Variants in CHRNA2 observed in about 807,000 individuals in gnomAD.
CHRNA2 encodes the protein neuronal acetylcholine receptor subunit alpha-2.
CHRNA2 carries 40 observed loss-of-function variants against 45.5 expected under a neutral mutation model. That is an observed-to-expected ratio of 0.88 (90% CI 0.68 to 1.15). CHRNA2 has a LOEUF of 1.15. CHRNA2 is among the 50% of genes most tolerant of loss of function. The probability of loss-of-function intolerance (pLI) is 0.00; values close to 1 mark genes in which losing one functional copy is unlikely to be tolerated. For missense variants in CHRNA2, 655 were observed against 701.7 expected (o/e 0.93, Z 0.75); for synonymous variants, 301 against 296.7 (o/e 1.01, Z -0.15).
chr8:27,462,881 G>C lies in CHRNA2; in HGVS notation c.1464+98C>G, dbSNP rs192319562. ...CTGAGGAAAGTGGGCCTTCACGAGA[G>C]GGGCCTGGGCTGCCCAAGCTCACAC... On this transcript the variant is annotated intron_variant, in intron 6 of 6. Transcript: ENST00000407991. The C allele has an allele frequency of 2.0e-6, 3 of 1,464,810 alleles. No homozygotes were observed. In the East Asian group the frequency reaches 6.8e-5, roughly 33 times the overall value. 90.7% of individuals were successfully genotyped at this position (1,464,810 alleles called of 1,614,324 possible).
At chr8:27,462,306 G>T (rs77229364) in intron 6 of CHRNA2, among the ~76,000 whole-genome samples, 4,035 of 152,264 alleles carry the variant, frequency 0.026, 191 homozygotes, top group African/African-American at 0.092. Context: ...TAATTTTCTT[G>T]TCTGTTCATC....
intron 4 of CHRNA2, chr8:27,467,638 A>G (rs1418404740): frequency 1.0e-5 from 4 of 395,336 alleles, no homozygotes; most frequent in Non-Finnish European, 1.9e-5. Context: ...TTGGTGGGCC[A>G]CCTCACTCAT....
chr8:27,476,091 CTTTG>C (rs1427560620), intron 1 of CHRNA2, among the ~76,000 whole-genome samples: 1 of 152,206 alleles, frequency 6.6e-6, no homozygotes, highest in Non-Finnish European at 1.5e-5. Context: ...TTATCCTTTT[CTTTG>C]TTTATCTTTC....
chr8:27,478,286 T>A (rs1314354176), intron 1 of CHRNA2, among the ~76,000 whole-genome samples: 1 of 152,178 alleles, frequency 6.6e-6, no homozygotes, highest in East Asian at 1.9e-4. Context: ...AGCTTTTATA[T>A]CTGTTTTGCT....
chr8:27,466,282 G>A (rs1812696004), intron 5 of CHRNA2, among the ~76,000 whole-genome samples: 1 of 152,158 alleles, frequency 6.6e-6, no homozygotes, highest in Admixed American at 6.5e-5. Flanking sequence ...CCAGAAATGG[G>A]TTGTTTTTCC....
At chr8:27,462,929 C>T in intron 6 of CHRNA2, 50 bp downstream of exon 6, 1 of 1,612,708 alleles carries the variant, frequency 6.2e-7, no homozygotes, top group Middle Eastern at 1.7e-4. Flanking sequence ...TGGTTCCCCG[C>T]TAAGTTGGTG....
Position 27,461,143 on chromosome 8 carries a change from C to G in CHRNA2, c.*486G>C. Reference sequence around the variant, plus strand: ...CAGAGACCTCACCTGGCTCTCCAACCTCCCACCTCACCTGGCTGTTCTCCC... The same window carrying G: ...CAGAGACCTCACCTGGCTCTCCAACGTCCCACCTCACCTGGCTGTTCTCCC... On this transcript the variant is annotated 3_prime_UTR_variant, in exon 7 of 7. Transcript: ENST00000407991. 5.4e-6 allele frequency: 1 copy of G among 186,492 alleles called. No individual in the cohort carries two copies. Among genetic ancestry groups the G allele is most frequent in the Non-Finnish European group, 1.1e-5 (1 of 87,626 alleles). The allele number at this position is 186,492 out of a possible 1,614,324, so 11.6% of individuals were successfully genotyped here.
Position 27,460,510 on chromosome 8 carries a change from C to T in CHRNA2, c.*1119G>A, listed in dbSNP as rs1160249253. 2.0e-5 allele frequency: 3 copies of T among 152,292 alleles called. No individual in the cohort carries two copies. Among genetic ancestry groups the T allele is most frequent in the Non-Finnish European group, 4.4e-5 (3 of 68,108 alleles). The allele number at this position is 152,292 out of a possible 1,614,324, so 9.4% of individuals were successfully genotyped here. ...ACGCCCTAAGTGCTGACCCCACTCA[C>T]CCGGCGCTGTGCTAGGTGCTGGGGG... On this transcript the variant is annotated 3_prime_UTR_variant, in exon 7 of 7. Transcript: ENST00000407991.
chr8:27,469,480 C>T (rs1303037605), intron 3 of CHRNA2, 101 bp from the exon 4 acceptor site: 4 of 1,301,120 alleles, frequency 3.1e-6, no homozygotes, highest in East Asian at 5.0e-5. Flanking sequence ...TGATAGGACA[C>T]CCCAAGCCCA....
chr8:27,462,912 G>T, intron 6 of CHRNA2, 67 bp downstream of exon 6: 3 of 1,601,974 alleles, frequency 1.9e-6, no homozygotes, highest in Non-Finnish European at 2.6e-6. Context: ...CACACTCTGC[G>T]GTAAGGTGGT....
At chr8:27,468,510 G>A (rs1812769018) in intron 4 of CHRNA2, among the ~76,000 whole-genome samples, 3 of 152,174 alleles carry the variant, frequency 2.0e-5, no homozygotes, top group Non-Finnish European at 4.4e-5. Context: ...GATCAATGCT[G>A]GCCCAGTTTC....
chr8:27,475,935 T>C (rs1364552061), intron 1 of CHRNA2, among the ~76,000 whole-genome samples: 2 of 152,068 alleles, frequency 1.3e-5, no homozygotes, highest in Non-Finnish European at 2.9e-5. Context: ...CCAGCTTACT[T>C]TGTGGGTTCC....
chr8:27,468,920 T>C (rs1181907233), intron 4 of CHRNA2, among the ~76,000 whole-genome samples: 1 of 152,182 alleles, frequency 6.6e-6, no homozygotes, highest in East Asian at 1.9e-4. Flanking sequence ...CGTTCTCCCA[T>C]AGAAGGAGCC....
intron 4 of CHRNA2, 45 bp downstream of exon 4, chr8:27,469,290 G>C (rs1327729873): frequency 4.0e-5 from 62 of 1,539,456 alleles, no homozygotes; most frequent in Non-Finnish European, 5.1e-5. Context: ...GGGGTCCATG[G>C]ATTCCCGGTA....
intron 4 of CHRNA2, chr8:27,467,542 A>G (rs1812737875): frequency 1.8e-6 from 1 of 569,738 alleles, no homozygotes; most frequent in Non-Finnish European, 3.2e-6. Flanking sequence ...CTTTGCCTGG[A>G]CTTTAGTAGT....
intron 3 of CHRNA2, 178 bp from the exon 4 acceptor site, chr8:27,469,557 G>T: frequency 1.1e-6 from 1 of 871,578 alleles, no homozygotes; most frequent in Non-Finnish European, 1.9e-6. Flanking sequence ...CACAGGCACT[G>T]CTGCCAATCA....
chr8:27,461,703 A>C lies in CHRNA2; in HGVS notation c.1516T>G (p.Trp506Gly). ...AGGAAGCAGACGATGATAAACAGCC[A>C]GAGGAAGATCCTGTCGATGACCATG... ...VAMVIDRIFLWLFIIVCFLGT... is the reference protein window; with the variant it reads ...VAMVIDRIFLGLFIIVCFLGT... Residue 506 changes from tryptophan (W) to glycine (G), a missense_variant, in exon 7 of 7, where the codon TGG becomes GGG. Physicochemically the swap from Trp to Gly is radical, Grantham distance 184. Coordinates refer to ENST00000407991, the MANE Select transcript of CHRNA2 (RefSeq NM_000742.4). 6 of 1,614,270 alleles carry C rather than the reference A, an allele frequency of 3.7e-6. No homozygotes were observed. Among genetic ancestry groups the C allele is most frequent in the African/African-American group, 1.3e-5 (1 of 75,078 alleles).
chr8:27,467,441 T>C (rs571461388), intron 4 of CHRNA2, 103 bp from the exon 5 acceptor site: 3 of 888,824 alleles, frequency 3.4e-6, no homozygotes, highest in Non-Finnish European at 3.6e-6. Context: ...AGCAGCCCCC[T>C]TGGAGCAGCC....
At chr8:27,473,077 A>T (rs922008518) in intron 1 of CHRNA2, among the ~76,000 whole-genome samples, 13 of 152,074 alleles carry the variant, frequency 8.5e-5, no homozygotes, top group African/African-American at 2.9e-4. Flanking sequence ...TAAAAAATAT[A>T]TATATATATC....
Sources: gnomAD v4.1 joint callset for allele counts (sites outside exome capture counted in the v4.1 genomes callset) on GRCh38, gnomAD v4.1.1 for gene constraint, MANE v1.5 for transcripts, NCBI Gene and HGNC (gene_info 2026-07-23, HGNC 2026-07-21) for gene names.